FHAD1: variants seen among roughly 807,000 people sequenced by gnomAD.
FHAD1 encodes the protein forkhead associated phosphopeptide binding domain 1.
In FHAD1, 146 loss-of-function variants were observed where a neutral mutation model predicts 191.3. The ratio of observed to expected loss-of-function variants is 0.76; its 90% CI spans 0.67 to 0.88. The LOEUF is 0.88. FHAD1 is among the 40% of genes least tolerant of loss of function. The pLI, the probability that FHAD1 is intolerant of heterozygous loss-of-function variation, is 0.00. For synonymous variants in FHAD1, 616 were observed against 672.3 expected (o/e 0.92, Z 1.29); for missense variants, 1,635 against 1,785.8 (o/e 0.92, Z 1.52).
chr1:15,346,967 G>C (rs556650144), intron 18 of FHAD1, among the ~76,000 whole-genome samples: 1 of 152,198 alleles, frequency 6.6e-6, no homozygotes, highest in Non-Finnish European at 1.5e-5. Flanking sequence ...TTCTGTTTGG[G>C]CATTTGTTTT....
upstream of FHAD1, among the ~76,000 whole-genome samples, chr1:15,244,444 C>A (rs1317187967): frequency 6.6e-6 from 1 of 152,092 alleles, no homozygotes; most frequent in African/African-American, 2.4e-5. This position sits in a 1 kb window ranked among gnomAD's most constrained non-coding sequence, Gnocchi z 5.1. Context: ...TGGGGTCTGT[C>A]TGATAGCAAG....
rs980758758 is a variant in FHAD1, at chr1:15,327,275, A to G, written c.1557+133A>G. The stretch of plus-strand genomic sequence containing the variant: ...ATATTTTTCACACTGTTGCTACACC[A>G]TAAAGATTTGTTTTGATTTTATGGG... On this transcript the variant is annotated intron_variant, in intron 12 of 33. Transcript: ENST00000688493. This position sits in a 1 kb window ranked among gnomAD's most constrained non-coding sequence, Gnocchi z 5.1. 4 of 596,670 alleles carry G rather than the reference A, an allele frequency of 6.7e-6. No homozygotes were observed. The highest frequency in any genetic ancestry group is 6.0e-5 in the East Asian group (2 of 33,448). 37.0% of individuals were successfully genotyped at this position (596,670 alleles called of 1,614,324 possible).
In FHAD1 at chr1:15,319,935, T is replaced by C. The variant is rs183608683; in HGVS notation, c.1365+2007T>C. 2.6e-5 allele frequency among the ~76,000 whole-genome samples: 4 copies of C among 152,376 alleles called. No individual in the cohort carries two copies. In the East Asian group the frequency reaches 7.7e-4, roughly 29 times the overall value. On this transcript the variant is annotated intron_variant, in intron 10 of 33. Coordinates refer to ENST00000688493, the MANE Select transcript of FHAD1 (RefSeq NM_001391957.1). ...CAATGAAAATGAACTTGCTATGGTA[T>C]ATTTTTCTTTTAAATAGTTGTAGTC... is the stretch of plus-strand genomic sequence containing the variant.
chr1:15,303,099 T>G (rs985641093), intron 6 of FHAD1, among the ~76,000 whole-genome samples: 1 of 152,208 alleles, frequency 6.6e-6, no homozygotes, highest in Non-Finnish European at 1.5e-5. Context: ...GGCCCTCTTT[T>G]GCGCTCTGGG....
intron 28 of FHAD1, among the ~76,000 whole-genome samples, chr1:15,379,539 A>G (rs1262229694): frequency 6.6e-6 from 1 of 152,082 alleles, no homozygotes; most frequent in African/African-American, 2.4e-5. Context: ...TTCCTCTTAT[A>G]CTAATCCTCC....
rs1293289817 is a variant in FHAD1, at chr1:15,375,704, A to G, written c.3679A>G (p.Thr1227Ala). ...ILLDAKPDLP[T>A]LSRIEILAPQ... is the part of the protein sequence containing the mutation. ...ACTGGATGCAAAACCGGATTTGCCA[A>G]CTCTCTCAAGAATAGAGATCCTAGC... is the stretch of plus-strand genomic sequence containing the variant. The change falls in exon 28 of 34, where the codon ACT becomes GCT. Residue 1227 changes from threonine to alanine, a missense_variant. Transcript: ENST00000688493. The G allele has an allele frequency of 7.8e-6, 12 of 1,546,226 alleles. No homozygotes were observed. Among genetic ancestry groups the G allele is most frequent in the East Asian group, 7.4e-5 (3 of 40,758 alleles).
intron 20 of FHAD1, among the ~76,000 whole-genome samples, chr1:15,354,937 A>C (rs963059751): frequency 5.6e-5 from 7 of 125,700 alleles, no homozygotes; most frequent in Non-Finnish European, 1.3e-4. Context: ...GGCCGGGCGC[A>C]GTGACTCACG....
chr1:15,281,752 C>T (rs951070288), intron 3 of FHAD1, among the ~76,000 whole-genome samples: 4 of 105,676 alleles, frequency 3.8e-5, no homozygotes, highest in African/African-American at 1.6e-4. Context: ...CAGAGTGAGA[C>T]ACTGTCTCAA....
At position 15,301,216 on chromosome 1, in the gene FHAD1, T is replaced by G; in HGVS notation, c.690T>G (p.Ile230Met). ...TGATCTCTACCCAGGATGAAATAAT[T>G]CTGCTGCTGGGAAAAGAGGTCAGCC... is the stretch of plus-strand genomic sequence containing the variant. ...DLAQQDKDEI[I>M]LLLGKEVSRL... Residue 230 changes from isoleucine to methionine, a missense_variant, in exon 6 of 34, where the codon ATT becomes ATG. By Grantham distance (10) the Ile-to-Met change is conservative. Transcript: ENST00000688493. 9.0e-6 allele frequency: 14 copies of G among 1,551,674 alleles called. No homozygotes were observed. The highest frequency in any genetic ancestry group is 1.2e-5 in the Non-Finnish European group (14 of 1,146,984).
At chr1:15,284,151 T>C (rs192470123) in intron 3 of FHAD1, among the ~76,000 whole-genome samples, 1 of 152,326 alleles carries the variant, frequency 6.6e-6, no homozygotes, top group Admixed American at 6.5e-5. Context: ...GCCTAGCACC[T>C]AGAGCCTTCT....
intron 2 of FHAD1, among the ~76,000 whole-genome samples, chr1:15,269,079 C>T (rs1324398308): frequency 1.3e-5 from 2 of 151,866 alleles, no homozygotes; most frequent in African/African-American, 2.4e-5. Context: ...TCTTGGTTAC[C>T]TACTAGAGGT....
At chr1:15,352,221 C>T (rs552503130) in intron 19 of FHAD1, among the ~76,000 whole-genome samples, 134 of 152,098 alleles carry the variant, frequency 8.8e-4, no homozygotes, top group Non-Finnish European at 1.6e-3. Context: ...TATGTTGGTG[C>T]GGGGGAGGTG....
In FHAD1 at chr1:15,329,730, T is replaced by G. The variant is rs1574412726; in HGVS notation, c.1906+189T>G. The G allele has an allele frequency of 7.7e-6, 4 of 521,768 alleles. No homozygotes were observed. Among genetic ancestry groups the G allele is most frequent in the Non-Finnish European group, 6.8e-6 (2 of 292,904 alleles). The allele number at this position is 521,768 out of a possible 1,614,324, so 32.3% of individuals were successfully genotyped here. Reference sequence around the variant, plus strand: ...AAAAAAAAAAACACACACATACAAGTGAGACACGATAACTGAAGAAAAATG... The same window carrying G: ...AAAAAAAAAAACACACACATACAAGGGAGACACGATAACTGAAGAAAAATG... On this transcript the variant is annotated intron_variant, in intron 14 of 33. Transcript: ENST00000688493. The surrounding 1 kb of genome is among the most constrained non-coding windows in gnomAD (Gnocchi z 5.0).
rs1680347466 is a variant in FHAD1, at chr1:15,329,502, C to T, written c.1867C>T (p.Leu623Phe). The stretch of plus-strand genomic sequence containing the variant: ...CTGGCTGGAGGAGGTGGAGCAGCTC[C>T]TCCGGGACCTCGGGATCCTGCCCTC... ...LSWLEEVEQL[L>F]RDLGILPSSP... Residue 623 changes from leucine to phenylalanine, a missense_variant, in exon 14 of 34, where the codon CTC (leucine) becomes TTC (phenylalanine). Transcript: ENST00000688493. This position sits in a 1 kb window ranked among gnomAD's most constrained non-coding sequence, Gnocchi z 5.0. The T allele has an allele frequency of 6.4e-7, 1 of 1,551,060 alleles. No homozygotes were observed. The highest frequency in any genetic ancestry group is 2.4e-5 in the East Asian group (1 of 40,906).
chr1:15,280,127 T>C (rs1192023817), intron 3 of FHAD1, among the ~76,000 whole-genome samples: 1 of 152,142 alleles, frequency 6.6e-6, no homozygotes, highest in African/African-American at 2.4e-5. Context: ...GCAGTTCCCA[T>C]CTTCATGGGA....
At position 15,391,199 on chromosome 1, in the gene FHAD1, C is replaced by A. The variant is rs771801358; in HGVS notation, c.4270-11C>A. 6.3e-5 allele frequency: 80 copies of A among 1,263,434 alleles called. No homozygotes were observed. Among genetic ancestry groups the A allele is most frequent in the Non-Finnish European group, 8.0e-5 (78 of 974,590 alleles). The allele number at this position is 1,263,434 out of a possible 1,614,324, so 78.3% of individuals were successfully genotyped here. A position where few individuals can be genotyped will look rare whatever the true frequency, so the allele number is the denominator to read the frequency against. ...AAGCTAGATTTTGTTCTTATTCTTT[C>A]TGTATTGAAGAGACGAGTATTTGTA... On this transcript the variant is annotated splice_polypyrimidine_tract_variant and intron_variant, in intron 32 of 33. Transcript: ENST00000688493.
At chr1:15,272,690 A>T (rs536424119) in intron 3 of FHAD1, among the ~76,000 whole-genome samples, 161 bp downstream of exon 3, 2 of 152,316 alleles carry the variant, frequency 1.3e-5, no homozygotes, top group South Asian at 4.1e-4. Context: ...GTTCTGAGTC[A>T]TTCTGGCGGG....
chr1:15,247,422 G>A (rs958715385), intron 1 of FHAD1, 27 bp downstream of exon 1: 1 of 191,242 alleles, frequency 5.2e-6, no homozygotes, highest in South Asian at 5.4e-5. Context: ...AAGGGGTGGC[G>A]GGCCGAGACC....
At chr1:15,240,103 A>AT (rs1204774504) in intron 1 of FHAD1, among the ~76,000 whole-genome samples, 1 of 152,202 alleles carries the variant, frequency 6.6e-6, no homozygotes, top group Non-Finnish European at 1.5e-5. Flanking sequence ...AATTTCTGTG[A>AT]TTATGTTACA....
Sources: allele counts gnomAD v4.1 joint callset (sites outside exome capture counted in the v4.1 genomes callset), GRCh38; gene constraint gnomAD v4.1.1; non-coding constraint Gnocchi (gnomAD v3.1); transcripts MANE v1.5; gene names NCBI Gene and HGNC (gene_info 2026-07-23, HGNC 2026-07-21).